CDC42BPA: variants seen among roughly 807,000 people sequenced by gnomAD.
The protein encoded by CDC42BPA is serine/threonine-protein kinase MRCK alpha.
A neutral mutation model predicts 223.5 loss-of-function variants in CDC42BPA; 80 were observed. The ratio of observed to expected loss-of-function variants is 0.36; its 90% CI spans 0.30 to 0.43. The LOEUF (loss-of-function observed/expected upper bound fraction) is 0.43, where lower values mean the gene tolerates loss of function less well. Ranked by LOEUF, CDC42BPA falls within the 20% of genes least tolerant of loss-of-function variation. CDC42BPA has a pLI of 1.00. For missense variants in CDC42BPA, 1,743 were observed against 2,099.9 expected, an observed-to-expected ratio of 0.83 and a Z score of 3.32; for synonymous variants, 694 against 718.6, an observed-to-expected ratio of 0.97 and a Z score of 0.55.
chr1:227,235,741 G>A (rs369673540), intron 2 of CDC42BPA, among the ~76,000 whole-genome samples: 3 of 152,270 alleles, frequency 2.0e-5, no homozygotes, highest in East Asian at 3.9e-4. Context: ...TCTACGCAAT[G>A]CTTGCTGCTC....
At chr1:227,113,864 TA>T (rs34320118) in intron 12 of CDC42BPA, among the ~76,000 whole-genome samples, 429 of 112,370 alleles carry the variant, frequency 3.8e-3, no homozygotes, top group African/African-American at 5.9e-3. Flanking sequence ...AATAACAATG[TA>T]AAAAAAAAAA....
intron 14 of CDC42BPA, among the ~76,000 whole-genome samples, chr1:227,107,928 T>C (rs1176595286): frequency 1.3e-5 from 2 of 152,180 alleles, no homozygotes; most frequent in Admixed American, 1.3e-4. Flanking sequence ...GTAATAAAAT[T>C]TTCCCTTATA....
At chr1:227,183,641 A>G (rs1668309779) in intron 5 of CDC42BPA, among the ~76,000 whole-genome samples, 1 of 152,244 alleles carries the variant, frequency 6.6e-6, no homozygotes, top group Non-Finnish European at 1.5e-5. Context: ...TATTACAAAT[A>G]AAGCCTCTAT....
chr1:227,185,572 T>C (rs1668633695), intron 5 of CDC42BPA, among the ~76,000 whole-genome samples: 1 of 152,190 alleles, frequency 6.6e-6, no homozygotes, highest in Non-Finnish European at 1.5e-5. Flanking sequence ...AATCAGACAC[T>C]GCCTCCTCCA....
In CDC42BPA at chr1:227,145,591, A is replaced by C. The variant is rs894825371; in HGVS notation, c.1041T>G (p.Asp347Glu). ...CTTCACAGTTCCGAATATTATCCCA[A>C]TCAATTCCACTGAAAAATGGGTGTT... ...FKKHPFFSGI[D>E]WDNIRNCEAP... Residue 347 changes from aspartate to glutamate, a missense_variant, in exon 8 of 37, where the codon GAT becomes GAG. Coordinates refer to ENST00000366766, the MANE Select transcript of CDC42BPA (RefSeq NM_001394014.1). The C allele has an allele frequency of 6.2e-7, 1 of 1,613,812 alleles. No homozygotes were observed. Among genetic ancestry groups the C allele is most frequent in the Non-Finnish European group, 8.5e-7 (1 of 1,179,792 alleles).
At chr1:227,214,853 T>G (rs1319271066) in intron 2 of CDC42BPA, among the ~76,000 whole-genome samples, 1 of 152,150 alleles carries the variant, frequency 6.6e-6, no homozygotes, top group Non-Finnish European at 1.5e-5. Context: ...ACCCACCCAA[T>G]ACTACTAGTA....
At chr1:227,218,092 A>T (rs1218579483) in intron 2 of CDC42BPA, among the ~76,000 whole-genome samples, 1 of 152,196 alleles carries the variant, frequency 6.6e-6, no homozygotes, top group African/African-American at 2.4e-5. Flanking sequence ...ATGATGAATG[A>T]CTGGTAATCT....
At position 227,254,118 on chromosome 1, in the gene CDC42BPA, T is replaced by C. The variant is rs373284019; in HGVS notation, c.216A>G (p.Leu72=). 4 of 1,599,084 alleles carry C rather than the reference T, an allele frequency of 2.5e-6. No individual in the cohort carries two copies. Among genetic ancestry groups the C allele is most frequent in the East Asian group, 2.3e-5 (1 of 44,308 alleles). The change falls in exon 2 of 37, where the codon TTA becomes TTG. Residue 72 remains leucine, a synonymous_variant. Transcript: ENST00000366766. Reference sequence around the variant, plus strand: ...TTAATATTTCAAAGTCTTCTCTATGTAATCGCATTTGTTTCACTTTAGAAG... The same window carrying C: ...TTAATATTTCAAAGTCTTCTCTATGCAATCGCATTTGTTTCACTTTAGAAG... ...PFTSKVKQMR[L]HREDFEILKV...
In CDC42BPA at chr1:227,047,929, T is replaced by G; in HGVS notation, c.3091A>C (p.Lys1031Gln). 2 of 1,592,898 alleles carry G rather than the reference T, an allele frequency of 1.3e-6. No homozygotes were observed. Among genetic ancestry groups the G allele is most frequent in the Non-Finnish European group, 1.7e-6 (2 of 1,161,324 alleles). Residue 1031 changes from lysine (K) to glutamine (Q), a missense_variant and splice_region_variant, in exon 23 of 37, where the codon AAG (lysine) becomes CAG (glutamine). This residue lies in a region of CDC42BPA where 678 missense variants were observed against 777.5 expected (regional missense o/e 0.87). Transcript: ENST00000366766. ...ATGCTTATAACTAGATTGAGTACCTTAGGTGGAAAGCCAGTTGAACCAGGA... is the reference window on the plus strand; with the variant it reads ...ATGCTTATAACTAGATTGAGTACCTGAGGTGGAAAGCCAGTTGAACCAGGA... ...GCPGSTGFPP[K>Q]RKTHQFFVKS...
At chr1:227,199,747 GA>G in intron 3 of CDC42BPA, 95 bp from the exon 4 acceptor site, 1 of 644,702 alleles carries the variant, frequency 1.6e-6, no homozygotes. Context: ...TTCTGTTCTG[GA>G]AAAGGAATAC....
rs544908865 is a variant in CDC42BPA, at chr1:227,216,118, CTCTA to C, written c.271-2903_271-2900del. Among the ~76,000 whole-genome samples the C allele has an allele frequency of 7.9e-4, 109 of 137,174 alleles. 3 individuals carry two copies. In the South Asian group the frequency reaches 0.024, roughly 31 times the overall value. The allele number at this position is 137,174 out of a possible 152,430, so 90.0% of individuals were successfully genotyped here. A position where few individuals can be genotyped will look rare whatever the true frequency, so the allele number is the denominator to read the frequency against. On this transcript the variant is annotated intron_variant, in intron 2 of 36. Coordinates refer to ENST00000366766, the MANE Select transcript of CDC42BPA (RefSeq NM_001394014.1). ...GTATGTACACTGTGACTTTTTCTCT[CTCTA>C]TATATATATATACACACACACACAC...
At chr1:227,143,346 AT>A (rs1170163678) in intron 8 of CDC42BPA, among the ~76,000 whole-genome samples, 1 of 152,202 alleles carries the variant, frequency 6.6e-6, no homozygotes, top group Non-Finnish European at 1.5e-5. Context: ...ACTTGTGGTA[AT>A]TTTATGATCA....
intron 3 of CDC42BPA, among the ~76,000 whole-genome samples, chr1:227,205,301 TATATAC>T (rs1483119994): frequency 9.0e-6 from 1 of 110,852 alleles, no homozygotes; most frequent in African/African-American, 3.3e-5. Context: ...TATATATATA[TATATAC>T]ACACACACAC....
chr1:227,250,093 T>C (rs546917683), intron 2 of CDC42BPA, among the ~76,000 whole-genome samples: 8 of 152,312 alleles, frequency 5.3e-5, no homozygotes, highest in Admixed American at 2.0e-4. Flanking sequence ...TATCCAATTT[T>C]CCATGATGCA....
chr1:227,205,690 C>G (rs890755259), intron 3 of CDC42BPA, among the ~76,000 whole-genome samples: 4 of 152,118 alleles, frequency 2.6e-5, no homozygotes, highest in Non-Finnish European at 5.9e-5. Context: ...CTAAGATATA[C>G]TGTTACCCTA....
At chr1:227,134,655 G>T (rs1398333395) in intron 10 of CDC42BPA, among the ~76,000 whole-genome samples, 2 of 152,126 alleles carry the variant, frequency 1.3e-5, no homozygotes, top group East Asian at 3.8e-4. Context: ...TGGGCTGTTT[G>T]ATACTCAATA....
At chr1:227,242,245 A>T (rs1358641129) in intron 2 of CDC42BPA, among the ~76,000 whole-genome samples, 2 of 152,158 alleles carry the variant, frequency 1.3e-5, no homozygotes, top group Admixed American at 1.3e-4. Context: ...CTATCTACAG[A>T]CTAGGGCAAG....
intron 1 of CDC42BPA, among the ~76,000 whole-genome samples, chr1:227,312,180 T>C (rs61834326): frequency 0.12 from 17,608 of 152,218 alleles, 1,238 homozygotes; most frequent in South Asian, 0.19. Context: ...CTGGTTAGAC[T>C]TAGTAATTGG....
rs1679035787 is a variant in CDC42BPA at position 227,074,381 on chromosome 1, C to A, written c.2481-17G>T. On this transcript the variant is annotated splice_polypyrimidine_tract_variant and intron_variant, in intron 17 of 36. Transcript: ENST00000366766. ...TCGCTGACCCTAGAATATATAAAGA[C>A]AAAGTACAAAAGTAAAACAAAAAAG... 1.9e-6 allele frequency: 3 copies of A among 1,575,562 alleles called. No homozygotes were observed. The East Asian group carries it at 6.7e-5, about 35-fold the overall frequency.
Sources: gnomAD v4.1 joint callset for allele counts (sites outside exome capture counted in the v4.1 genomes callset) on GRCh38, gnomAD v4.1.1 for gene constraint, gnomAD v4.1.1 regional missense constraint, MANE v1.5 for transcripts, NCBI Gene and HGNC (gene_info 2026-07-23, HGNC 2026-07-21) for gene names.